The following DPP8 variants were observed in gnomAD, a reference collection of about 807,000 sequenced individuals.
DPP8 encodes DPP VIII.
Under a neutral mutation model 107.5 loss-of-function variants are expected in DPP8, and 31 were observed. The ratio of observed to expected loss-of-function variants is 0.29; its 90% CI spans 0.22 to 0.39. DPP8 has a LOEUF of 0.39. DPP8 is among the 10% of genes least tolerant of loss of function. The pLI is 1.00. For missense variants in DPP8, 842 were observed against 1,076.1 expected, an observed-to-expected ratio of 0.78 and a Z score of 3.04; for synonymous variants, 381 against 356.6, an observed-to-expected ratio of 1.07 and a Z score of -0.77.
At chr15:65,447,416 CATTAAACTGCACTAGAAGTCACAGTAT>C (rs2063556850) in intron 19 of DPP8, among the ~76,000 whole-genome samples, 1 of 152,220 alleles carries the variant, frequency 6.6e-6, no homozygotes. Context: ...AAGGCACTAT[CATTAAACTGCACTAGAAGTCACAGTAT>C]TCCTCACCAC....
chr15:65,494,060 G>T, intron 5 of DPP8, among the ~76,000 whole-genome samples: 1 of 147,242 alleles, frequency 6.8e-6, no homozygotes, highest in Non-Finnish European at 1.5e-5. Context: ...TGTTTTTACA[G>T]ATGTGGAAAC....
chr15:65,496,145 G>A (rs758583591), intron 5 of DPP8, among the ~76,000 whole-genome samples: 17 of 151,562 alleles, frequency 1.1e-4, no homozygotes, highest in African/African-American at 2.2e-4. Context: ...CACCACGCCC[G>A]GCTAATTTTT....
At chr15:65,474,405 A>C (rs1408494288) in intron 11 of DPP8, 117 bp from the exon 12 acceptor site, 2 of 709,074 alleles carry the variant, frequency 2.8e-6, no homozygotes, top group Non-Finnish European at 4.8e-6. Flanking sequence ...GGTAATAAAA[A>C]TGTTTTGGAA....
intron 11 of DPP8, among the ~76,000 whole-genome samples, chr15:65,476,105 G>A (rs1451637124): frequency 2.6e-5 from 4 of 152,134 alleles, no homozygotes; most frequent in African/African-American, 2.4e-5. Context: ...GCGGCCTAAG[G>A]AACAGCTTAA....
intron 12 of DPP8, among the ~76,000 whole-genome samples, chr15:65,470,916 T>G (rs1397483181): frequency 8.4e-6 from 1 of 119,208 alleles, no homozygotes; most frequent in Non-Finnish European, 1.6e-5. Flanking sequence ...GAGACTCTTA[T>G]CTCAAAAAAA....
chr15:65,508,799 C>T (rs2141080231), intron 2 of DPP8, among the ~76,000 whole-genome samples: 1 of 151,994 alleles, frequency 6.6e-6, no homozygotes, highest in East Asian at 1.9e-4. Flanking sequence ...TTGCAATAAA[C>T]CGAGATCACG....
At chr15:65,464,290 G>A (rs2065159683) in intron 14 of DPP8, among the ~76,000 whole-genome samples, 1 of 152,110 alleles carries the variant, frequency 6.6e-6, no homozygotes, top group African/African-American at 2.4e-5. Flanking sequence ...GTGAACCCGG[G>A]AGGTGGAGCT....
chr15:65,516,040 C>T (rs1176586562), intron 1 of DPP8: 3 of 391,866 alleles, frequency 7.7e-6, no homozygotes, highest in East Asian at 7.5e-5. Flanking sequence ...CTTTGGTGTC[C>T]AGACAAAGGA....
chr15:65,511,932 C>T (rs999308918), intron 2 of DPP8: 2 of 353,596 alleles, frequency 5.7e-6, no homozygotes, highest in African/African-American at 4.2e-5. Context: ...CCAAAAACAG[C>T]CTTGGATTAA....
intron 12 of DPP8, among the ~76,000 whole-genome samples, chr15:65,468,511 TC>T: frequency 6.6e-6 from 1 of 151,030 alleles, no homozygotes; most frequent in East Asian, 2.0e-4. Context: ...AAAAAAAAAT[TC>T]AAATTTTTTA....
In DPP8 at chr15:65,483,486, T is replaced by C. The variant is rs1488608531; in HGVS notation, c.1017+1613A>G. Among the ~76,000 whole-genome samples the C allele has an allele frequency of 2.6e-5, 4 of 152,122 alleles. No homozygotes were observed. In the East Asian group the frequency reaches 7.7e-4, roughly 29 times the overall value. ...GGGTTGAGCTGTAATTGTGTCACCA[T>C]ACTCCAGGCTGGGTGACAAAGTGAG... On this transcript the variant is annotated intron_variant, in intron 8 of 19. Coordinates refer to ENST00000300141, the MANE Select transcript of DPP8 (RefSeq NM_130434.5).
At chr15:65,472,006 G>A (rs1037017483) in intron 12 of DPP8, among the ~76,000 whole-genome samples, 1 of 152,270 alleles carries the variant, frequency 6.6e-6, no homozygotes, top group Non-Finnish European at 1.5e-5. Context: ...ATACAGGATG[G>A]AGTTCCTAGA....
chr15:65,509,606 T>A (rs1273917727), intron 2 of DPP8, among the ~76,000 whole-genome samples: 1 of 152,218 alleles, frequency 6.6e-6, no homozygotes, highest in Non-Finnish European at 1.5e-5. Flanking sequence ...GAGGCAAAAT[T>A]AAGCATGTGA....
At chr15:65,469,033 T>A (rs2065615491) in intron 12 of DPP8, among the ~76,000 whole-genome samples, 2 of 152,228 alleles carry the variant, frequency 1.3e-5, no homozygotes, top group Non-Finnish European at 2.9e-5. Flanking sequence ...TGGAGTGCAG[T>A]GGCGCGATCT....
intron 17 of DPP8, among the ~76,000 whole-genome samples, chr15:65,452,699 C>T (rs1037004348): frequency 6.6e-6 from 1 of 152,048 alleles, no homozygotes; most frequent in Admixed American, 6.6e-5. Flanking sequence ...TGGTCAGGTG[C>T]AATGGCTCAC....
At chr15:65,481,447 T>G in intron 9 of DPP8, 68 bp downstream of exon 9, 8 of 1,113,982 alleles carry the variant, frequency 7.2e-6, no homozygotes, top group Non-Finnish European at 1.1e-5. Context: ...GCAAACCTAA[T>G]AGCACAAATA....
intron 15 of DPP8, chr15:65,458,720 T>C (rs1213116930): frequency 2.6e-5 from 4 of 152,216 alleles, no homozygotes; most frequent in African/African-American, 9.6e-5. Flanking sequence ...ATTCGCTTCA[T>C]GTTATGAATT....
chr15:65,480,058 A>G (rs927083385), intron 10 of DPP8, among the ~76,000 whole-genome samples, 164 bp downstream of exon 10: 5 of 152,078 alleles, frequency 3.3e-5, no homozygotes, highest in Non-Finnish European at 5.9e-5. Context: ...AATACAAACC[A>G]TTCCATTCTG....
At chr15:65,484,945 G>A (rs2067261525) in intron 8 of DPP8, among the ~76,000 whole-genome samples, 154 bp downstream of exon 8, 1 of 152,086 alleles carries the variant, frequency 6.6e-6, no homozygotes, top group Admixed American at 6.6e-5. Context: ...AGGATGATTT[G>A]CAAGTAAAAA....
Sources: allele counts gnomAD v4.1 joint callset (sites outside exome capture counted in the v4.1 genomes callset), GRCh38; gene constraint gnomAD v4.1.1; transcripts MANE v1.5; gene names NCBI Gene and HGNC (gene_info 2026-07-23, HGNC 2026-07-21).